SETBP1: variants seen among roughly 807,000 people sequenced by gnomAD.
The protein encoded by SETBP1 is SET binding protein 1, also known as SET-binding protein.
Under a neutral mutation model 101.0 loss-of-function variants are expected in SETBP1, and 9 were observed. The observed-to-expected ratio is 0.09, with a 90% confidence interval of 0.05 to 0.16. The LOEUF is 0.16. Among genes scored for constraint, SETBP1 ranks in the 10% least tolerant of loss-of-function variants. The pLI is 1.00. For missense variants in SETBP1, 1,858 were observed against 2,033.8 expected, an observed-to-expected ratio of 0.91 and a Z score of 1.66; for synonymous variants, 818 against 788.5, an observed-to-expected ratio of 1.04 and a Z score of -0.63.
intron 1 of SETBP1, among the ~76,000 whole-genome samples, chr18:44,693,758 A>G (rs1431039819): frequency 6.6e-6 from 1 of 152,112 alleles, no homozygotes; most frequent in East Asian, 1.9e-4. Flanking sequence ...GTAGGATCAC[A>G]CTCCATCTTT....
intron 4 of SETBP1, among the ~76,000 whole-genome samples, chr18:44,956,623 T>TAAA (rs1312347969): frequency 6.6e-6 from 1 of 152,186 alleles, no homozygotes; most frequent in Non-Finnish European, 1.5e-5. Flanking sequence ...AGATACAGTA[T>TAAA]AAATATAGAT....
At chr18:44,890,259 C>A (rs1402878646) in intron 3 of SETBP1, among the ~76,000 whole-genome samples, 1 of 152,066 alleles carries the variant, frequency 6.6e-6, no homozygotes, top group Admixed American at 6.6e-5. Context: ...ACCCCTCACC[C>A]CACCCCCAAG....
chr18:44,706,955 A>G (rs1270552212), intron 2 of SETBP1, among the ~76,000 whole-genome samples: 3 of 152,240 alleles, frequency 2.0e-5, no homozygotes, highest in African/African-American at 7.2e-5. Context: ...CAGAGCAAAC[A>G]TCATCATAAT....
At chr18:44,768,683 C>G (rs1160062945) in intron 2 of SETBP1, among the ~76,000 whole-genome samples, 1 of 152,058 alleles carries the variant, frequency 6.6e-6, no homozygotes, top group Non-Finnish European at 1.5e-5. Context: ...ATTGCTTAAC[C>G]ATATCAGACA....
At chr18:44,887,648 A>G (rs190574249) in intron 3 of SETBP1, among the ~76,000 whole-genome samples, 3 of 152,280 alleles carry the variant, frequency 2.0e-5, no homozygotes, top group African/African-American at 7.2e-5. Context: ...GCCAAGGGCC[A>G]CAGAATATCT....
chr18:45,017,929 C>A (rs1227617608), intron 4 of SETBP1, among the ~76,000 whole-genome samples: 6 of 152,208 alleles, frequency 3.9e-5, no homozygotes, highest in African/African-American at 1.4e-4. Context: ...GTCCTGGCTG[C>A]TCTCAGTGAG....
chr18:44,815,398 G>T (rs759927152), intron 2 of SETBP1, among the ~76,000 whole-genome samples: 3 of 152,218 alleles, frequency 2.0e-5, no homozygotes, highest in Non-Finnish European at 2.9e-5. Context: ...GGGGCAGCCC[G>T]TATCTACTTT....
chr18:44,933,154 T>C (rs1327015323), intron 3 of SETBP1, among the ~76,000 whole-genome samples: 1 of 152,210 alleles, frequency 6.6e-6, no homozygotes, highest in Non-Finnish European at 1.5e-5. Context: ...TTTCTGTTTG[T>C]TAGTTTTCCT....
chr18:44,717,170 C>A (rs1254059662), intron 2 of SETBP1, among the ~76,000 whole-genome samples: 1 of 152,202 alleles, frequency 6.6e-6, no homozygotes, highest in African/African-American at 2.4e-5. Flanking sequence ...CACCGTGGCT[C>A]CTCATGCGGT....
intron 5 of SETBP1, among the ~76,000 whole-genome samples, chr18:45,054,660 C>T (rs1023541762): frequency 6.6e-6 from 1 of 152,078 alleles, no homozygotes; most frequent in Non-Finnish European, 1.5e-5. Flanking sequence ...TCTGTTTTGC[C>T]CAGTTTTTTC....
chr18:44,972,055 A>T (rs1046882392), intron 4 of SETBP1, among the ~76,000 whole-genome samples: 3 of 152,184 alleles, frequency 2.0e-5, no homozygotes, highest in Admixed American at 6.5e-5. Flanking sequence ...TTTTTGTATA[A>T]GGTGTAAGGA....
intron 2 of SETBP1, among the ~76,000 whole-genome samples, chr18:44,748,725 A>G (rs1220374039): frequency 1.3e-5 from 2 of 152,210 alleles, no homozygotes; most frequent in Non-Finnish European, 2.9e-5. Flanking sequence ...TTGGCTTGGT[A>G]TTTCTGGACC....
intron 3 of SETBP1, among the ~76,000 whole-genome samples, chr18:44,907,732 T>C (rs906736090): frequency 2.0e-5 from 3 of 152,230 alleles, no homozygotes; most frequent in African/African-American, 7.2e-5. Flanking sequence ...GGCTTCCTTA[T>C]GTGTTCTGGA....
chr18:44,681,257 C>T (rs1259033109), intron 1 of SETBP1, among the ~76,000 whole-genome samples: 1 of 152,122 alleles, frequency 6.6e-6, no homozygotes, highest in Non-Finnish European at 1.5e-5. Context: ...TGGGAAATCA[C>T]TCCGGAAAGG....
rs775284488 is a variant in SETBP1 at position 44,861,229 on chromosome 18, C to CT, written c.487-7974dup. ...GTCTTGTGGATTTCCTTTTTCTTTT[C>CT]TTTTTTTTTTTTTTTTTTTTTTTTT... is the stretch of plus-strand genomic sequence containing the variant. On this transcript the variant is annotated intron_variant, in intron 2 of 5. Transcript: ENST00000649279. 8.7e-3 allele frequency among the ~76,000 whole-genome samples: 765 copies of CT among 88,306 alleles called. 32 individuals carry two copies. The highest frequency in any genetic ancestry group is 0.012 in the African/African-American group (263 of 22,804). 57.9% of individuals were successfully genotyped at this position (88,306 alleles called of 152,430 possible).
At chr18:44,749,983 C>T (rs770962016) in intron 2 of SETBP1, among the ~76,000 whole-genome samples, 13 of 152,072 alleles carry the variant, frequency 8.5e-5, no homozygotes, top group Admixed American at 3.3e-4. Context: ...AAGTGAAGGA[C>T]TCATAAATGA....
intron 2 of SETBP1, among the ~76,000 whole-genome samples, chr18:44,746,782 G>A (rs763809982): frequency 3.9e-5 from 6 of 152,196 alleles, no homozygotes; most frequent in Non-Finnish European, 7.3e-5. Context: ...AAGAACAAGC[G>A]GGTGGGGTCT....
intron 2 of SETBP1, chr18:44,732,898 C>T (rs1458717625): frequency 6.6e-6 from 1 of 152,248 alleles, no homozygotes; most frequent in Non-Finnish European, 1.5e-5. Context: ...CTGAGCCCCT[C>T]CTGCCCTGGC....
chr18:44,984,070 A>G (rs1599409624), intron 4 of SETBP1, among the ~76,000 whole-genome samples: 1 of 152,080 alleles, frequency 6.6e-6, no homozygotes, highest in Non-Finnish European at 1.5e-5. Flanking sequence ...GCGTGGTTGC[A>G]TGAGCCTGTA....
Sources: allele counts gnomAD v4.1 joint callset (sites outside exome capture counted in the v4.1 genomes callset), GRCh38; gene constraint gnomAD v4.1.1; transcripts MANE v1.5; gene names NCBI Gene and HGNC (gene_info 2026-07-23, HGNC 2026-07-21).